ITPA: variants seen among roughly 807,000 people sequenced by gnomAD.
ITPA encodes inosine triphosphatase.
ITPA carries 29 observed loss-of-function variants against 29.6 expected under a neutral mutation model. The ratio of observed to expected loss-of-function variants is 0.98; its 90% CI spans 0.73 to 1.34. The LOEUF is 1.34. Ranked by LOEUF, ITPA falls within the 40% of genes most tolerant of loss-of-function variation. The probability of loss-of-function intolerance (pLI) is 0.00; values close to 1 mark genes in which losing one functional copy is unlikely to be tolerated. For missense variants in ITPA, 241 were observed against 251.5 expected, an observed-to-expected ratio of 0.96 and a Z score of 0.28; for synonymous variants, 103 against 99.3, an observed-to-expected ratio of 1.04 and a Z score of -0.22.
intron 5 of ITPA, 110 bp downstream of exon 5, chr20:3,215,422 C>T: frequency 1.1e-6 from 1 of 942,512 alleles, no homozygotes; most frequent in Non-Finnish European, 1.7e-6. Flanking sequence ...TAGCCCCCAC[C>T]ATGGAGCCTC....
Position 3,223,554 on chromosome 20 carries a change from T to G in ITPA, c.*92T>G. 1 of 931,696 alleles carries G rather than the reference T, an allele frequency of 1.1e-6. No homozygotes were observed. Among genetic ancestry groups the G allele is most frequent in the Non-Finnish European group, 1.7e-6 (1 of 591,114 alleles). The allele number at this position is 931,696 out of a possible 1,614,324, so 57.7% of individuals were successfully genotyped here. Reference sequence around the variant, plus strand: ...TCGGGCAGGCACCCCCTGAAGTACTTCCTTCAGGGTTTCCCCTTTGTGAGG... The same window carrying G: ...TCGGGCAGGCACCCCCTGAAGTACTGCCTTCAGGGTTTCCCCTTTGTGAGG... On this transcript the variant is annotated 3_prime_UTR_variant, in exon 8 of 8. Transcript: ENST00000380113.
downstream of ITPA, among the ~76,000 whole-genome samples, chr20:3,225,235 C>T (rs1309119328): frequency 4.6e-5 from 7 of 152,044 alleles, no homozygotes; most frequent in Non-Finnish European, 1.5e-5. Context: ...GGTCTTTGAC[C>T]CCTTTCCTAG....
chr20:3,204,684 C>T, upstream of ITPA: 1 of 1,504,848 alleles, frequency 6.6e-7, no homozygotes, highest in East Asian at 2.5e-5. Flanking sequence ...ATCTCATAGG[C>T]CCCGCCCCTA....
Position 3,223,771 on chromosome 20 carries a change from G to T in ITPA, c.*309G>T. 2.2e-6 allele frequency: 1 copy of T among 459,744 alleles called. No individual in the cohort carries two copies. Among genetic ancestry groups the T allele is most frequent in the Non-Finnish European group, 4.0e-6 (1 of 251,812 alleles). The allele number at this position is 459,744 out of a possible 1,614,324, so 28.5% of individuals were successfully genotyped here. ...GAGTGAGGGCGTGGGGAGGAACCATGCAAATCGCCTTCCATGGTTTTTAAA... is the reference window on the plus strand; with the variant it reads ...GAGTGAGGGCGTGGGGAGGAACCATTCAAATCGCCTTCCATGGTTTTTAAA... On this transcript the variant is annotated 3_prime_UTR_variant, in exon 8 of 8. Transcript: ENST00000380113.
intron 4 of ITPA, 121 bp downstream of exon 4, chr20:3,214,179 TG>T: frequency 1.1e-6 from 1 of 872,730 alleles, no homozygotes; most frequent in Non-Finnish European, 1.9e-6. Context: ...CCTTTCACGT[TG>T]TCCCGAGGAA....
At chr20:3,221,371 C>T (rs1178113471) in intron 6 of ITPA, among the ~76,000 whole-genome samples, 2 of 152,184 alleles carry the variant, frequency 1.3e-5, no homozygotes, top group Admixed American at 6.5e-5. Flanking sequence ...GTACCTGCTT[C>T]CTGTTGCGGT....
chr20:3,208,936 G>C (rs773100451), upstream of ITPA: 1 of 157,340 alleles, frequency 6.4e-6, no homozygotes, highest in East Asian at 1.9e-4. Context: ...TGGCTGAAAC[G>C]GTGGCCACGG....
At chr20:3,204,813 G>A (rs967054423), upstream of ITPA, 1 of 577,548 alleles carries the variant, frequency 1.7e-6, no homozygotes, top group Non-Finnish European at 3.0e-6. Context: ...ACAATGTTAA[G>A]AGGAAATTAT....
chr20:3,217,170 C>T (rs1022989981), intron 5 of ITPA, among the ~76,000 whole-genome samples: 15 of 152,302 alleles, frequency 9.8e-5, no homozygotes, highest in South Asian at 4.1e-4. Context: ...CATGAGTTAC[C>T]GCACCCATCC....
At chr20:3,214,363 C>CTT (rs57982806) in intron 4 of ITPA, among the ~76,000 whole-genome samples, 83 of 112,934 alleles carry the variant, frequency 7.3e-4, no homozygotes, top group Non-Finnish European at 9.0e-4. Context: ...TTCTTCCTTT[C>CTT]TTTTTTTTTT....
downstream of ITPA, among the ~76,000 whole-genome samples, chr20:3,225,034 GTC>G (rs2067540951): frequency 6.6e-6 from 1 of 152,118 alleles, no homozygotes; most frequent in South Asian, 2.1e-4. Context: ...GCAAAACCTT[GTC>G]TCTGCAAAAA....
At chr20:3,208,244 G>A (rs905004567), upstream of ITPA, among the ~76,000 whole-genome samples, 5 of 151,990 alleles carry the variant, frequency 3.3e-5, no homozygotes, top group African/African-American at 1.2e-4. Context: ...GCTCCTCGGG[G>A]TAACTGATGT....
At chr20:3,222,083 G>C (rs950965315) in intron 7 of ITPA, among the ~76,000 whole-genome samples, 166 bp downstream of exon 7, 10 of 152,206 alleles carry the variant, frequency 6.6e-5, no homozygotes, top group Admixed American at 6.5e-4. Flanking sequence ...CTAGGAATCT[G>C]GGTGGCCCAG....
upstream of ITPA, among the ~76,000 whole-genome samples, chr20:3,207,863 G>A (rs1247983024): frequency 2.1e-5 from 3 of 145,430 alleles, no homozygotes; most frequent in Non-Finnish European, 3.0e-5. Flanking sequence ...GGCGTCGTGG[G>A]GGGTGCTTGT....
rs148739327 is a variant in ITPA at position 3,214,185 on chromosome 20, G to A, written c.263+127G>A. On this transcript the variant is annotated intron_variant, in intron 4 of 7. Transcript: ENST00000380113. ...CATCAACAGCCTTTCACGTTGTCCCGAGGAAAGACGGGATAGGAGAAGCAT... is the reference window on the plus strand; with the variant it reads ...CATCAACAGCCTTTCACGTTGTCCCAAGGAAAGACGGGATAGGAGAAGCAT... The A allele has an allele frequency of 8.0e-3, 6,561 of 820,874 alleles. 45 individuals carry two copies. The highest frequency in any genetic ancestry group is 0.01 in the Non-Finnish European group (5,027 of 483,548). The allele number at this position is 820,874 out of a possible 1,614,324, so 50.8% of individuals were successfully genotyped here.
downstream of ITPA, among the ~76,000 whole-genome samples, chr20:3,227,047 C>T (rs913014196): frequency 6.6e-6 from 1 of 152,206 alleles, no homozygotes; most frequent in African/African-American, 2.4e-5. Context: ...CACGAAGCCT[C>T]GGCCTCCCGG....
chr20:3,222,116 G>C (rs990816232), intron 7 of ITPA, among the ~76,000 whole-genome samples, 199 bp downstream of exon 7: 1 of 152,196 alleles, frequency 6.6e-6, no homozygotes, highest in Non-Finnish European at 1.5e-5. Flanking sequence ...GAGGCAGCCA[G>C]ATGGCACTGA....
At chr20:3,207,995 C>CAAAAAAAAAAAAAAAA (rs71195826), upstream of ITPA, among the ~76,000 whole-genome samples, 1 of 116,468 alleles carries the variant, frequency 8.6e-6, no homozygotes. Context: ...GACTCCGTCT[C>CAAAAAAAAAAAAAAAA]AAAAAAAAAA....
chr20:3,222,708 G>A (rs2067496587), intron 7 of ITPA, among the ~76,000 whole-genome samples: 1 of 152,218 alleles, frequency 6.6e-6, no homozygotes. Flanking sequence ...GGGGCCCTTA[G>A]GGAGCGCAGT....
Sources: gnomAD v4.1 joint callset for allele counts (sites outside exome capture counted in the v4.1 genomes callset) on GRCh38, gnomAD v4.1.1 for gene constraint, MANE v1.5 for transcripts, NCBI Gene and HGNC (gene_info 2026-07-23, HGNC 2026-07-21) for gene names.